The following EHMT1 variants were observed in gnomAD, a reference collection of about 807,000 sequenced individuals.
EHMT1 encodes histone-lysine N-methyltransferase EHMT1.
In EHMT1, 15 loss-of-function variants were observed where a neutral mutation model predicts 147.2. The observed-to-expected ratio is 0.10, with a 90% CI of 0.07 to 0.16. EHMT1 has a LOEUF of 0.16. EHMT1 is among the 10% of genes least tolerant of loss of function. The pLI is 1.00. For missense variants in EHMT1, 1,587 were observed against 1,772.4 expected (o/e 0.90, Z 1.88); for synonymous variants, 795 against 709.6 (o/e 1.12, Z -1.91).
At chr9:137,812,312 C>T (rs1954558348) in intron 19 of EHMT1, among the ~76,000 whole-genome samples, 1 of 152,228 alleles carries the variant, frequency 6.6e-6, no homozygotes, top group Non-Finnish European at 1.5e-5. Context: ...ACACTCCAAC[C>T]TGGGCGACAG....
At chr9:137,705,895 G>T (rs1944228253) in intron 1 of EHMT1, among the ~76,000 whole-genome samples, 2 of 152,226 alleles carry the variant, frequency 1.3e-5, no homozygotes, top group South Asian at 2.1e-4. Context: ...TCTCCCCACA[G>T]CTCTGGGGCT....
intron 3 of EHMT1, among the ~76,000 whole-genome samples, chr9:137,722,130 CTG>C (rs1179340592): frequency 6.6e-6 from 1 of 152,106 alleles, no homozygotes; most frequent in Non-Finnish European, 1.5e-5. Context: ...ACGTTAGAAA[CTG>C]TACATCATTC....
chr9:137,800,403 T>G, intron 17 of EHMT1: 1 of 201,740 alleles, frequency 5.0e-6, no homozygotes, highest in Non-Finnish European at 1.0e-5. Context: ...TCTGATGGGG[T>G]CCCTGGCTCT....
At chr9:137,678,615 C>T (rs951584588) in intron 1 of EHMT1, among the ~76,000 whole-genome samples, 1 of 152,042 alleles carries the variant, frequency 6.6e-6, no homozygotes, top group Non-Finnish European at 1.5e-5. Flanking sequence ...ACAGATAGTA[C>T]TGAACTCTCT....
At chr9:137,698,900 G>A (rs1456382648) in intron 1 of EHMT1, among the ~76,000 whole-genome samples, 1 of 151,898 alleles carries the variant, frequency 6.6e-6, no homozygotes, top group Non-Finnish European at 1.5e-5. Context: ...CAGTGTCTCA[G>A]TTTCTATGAT....
Position 137,799,479 on chromosome 9 carries a change from CAG to C in EHMT1, c.2607+566_2607+567del, listed in dbSNP as rs142898507. Reference sequence around the variant, plus strand: ...GTGCTGAACCGCGGCGCCTCACACACAGGGGCCACCTGCCTCACGAGTGAATG... The same window carrying C: ...GTGCTGAACCGCGGCGCCTCACACACGGGCCACCTGCCTCACGAGTGAATG... On this transcript the variant is annotated intron_variant, in intron 17 of 26. Transcript: ENST00000460843. 2.2e-4 allele frequency among the ~76,000 whole-genome samples: 34 copies of C among 152,350 alleles called. No individual in the cohort carries two copies. In the East Asian group the frequency reaches 4.8e-3, roughly 22 times the overall value.
chr9:137,645,632 A>T (rs371407851), intron 1 of EHMT1, among the ~76,000 whole-genome samples: 2 of 152,152 alleles, frequency 1.3e-5, no homozygotes, highest in East Asian at 3.8e-4. Context: ...CTGTGTTTCC[A>T]TCTCTGCTGC....
At chr9:137,791,975 C>T (rs1377257583) in intron 16 of EHMT1, 11 of 408,882 alleles carry the variant, frequency 2.7e-5, no homozygotes, top group African/African-American at 8.4e-5. Flanking sequence ...TCAGGTGATC[C>T]GCCCGCCTCA....
chr9:137,721,585 C>T (rs1054067207), intron 3 of EHMT1, among the ~76,000 whole-genome samples: 1 of 144,460 alleles, frequency 6.9e-6, no homozygotes, highest in Non-Finnish European at 1.5e-5. Context: ...CCCTCTCCCA[C>T]GCCTCTCACC....
chr9:137,752,506 G>A, intron 7 of EHMT1, 98 bp downstream of exon 7: 1 of 1,399,642 alleles, frequency 7.1e-7, no homozygotes. Flanking sequence ...CTTGTTGCCT[G>A]AGCGCTCACC....
At chr9:137,675,941 G>A (rs1181083968) in intron 1 of EHMT1, among the ~76,000 whole-genome samples, 2 of 150,674 alleles carry the variant, frequency 1.3e-5, no homozygotes, top group Non-Finnish European at 3.0e-5. Flanking sequence ...CCGCCACTAC[G>A]CCCGGCTAAT....
chr9:137,792,429 G>A (rs555993993), intron 16 of EHMT1, among the ~76,000 whole-genome samples: 4 of 152,336 alleles, frequency 2.6e-5, no homozygotes, highest in African/African-American at 9.6e-5. Flanking sequence ...ATACAGCTGG[G>A]CGTGGTGGCT....
At chr9:137,715,812 C>T (rs1169237159) in intron 2 of EHMT1, 2 of 985,266 alleles carry the variant, frequency 2.0e-6, no homozygotes, top group East Asian at 1.1e-4. Flanking sequence ...TGTGAAGCCT[C>T]TTCTGAAGCC....
At chr9:137,655,534 A>T (rs1183225887) in intron 1 of EHMT1, among the ~76,000 whole-genome samples, 1 of 152,228 alleles carries the variant, frequency 6.6e-6, no homozygotes, top group Non-Finnish European at 1.5e-5. Flanking sequence ...CACAATAATT[A>T]CCATTTACAT....
intron 4 of EHMT1, among the ~76,000 whole-genome samples, chr9:137,741,233 C>T (rs765329394): frequency 5.3e-5 from 8 of 152,056 alleles, no homozygotes; most frequent in East Asian, 1.9e-4. Flanking sequence ...GCCTCGGCCT[C>T]GCAAAGTGCT....
At chr9:137,626,999 C>CT (rs1233731346) in intron 1 of EHMT1, among the ~76,000 whole-genome samples, 1 of 152,062 alleles carries the variant, frequency 6.6e-6, no homozygotes, top group African/African-American at 2.4e-5. Flanking sequence ...GCTTTGTTGC[C>CT]TAGGCTGGAG....
chr9:137,675,404 TAGG>T (rs147513610), intron 1 of EHMT1, among the ~76,000 whole-genome samples: 22,435 of 152,162 alleles, frequency 0.15, 2,133 homozygotes, highest in Admixed American at 0.3. Context: ...TGGTGACCAA[TAGG>T]GGGGTTGGTG....
intron 1 of EHMT1, among the ~76,000 whole-genome samples, chr9:137,624,862 G>A (rs1373057195): frequency 2.0e-5 from 3 of 151,782 alleles, no homozygotes; most frequent in East Asian, 3.9e-4. Flanking sequence ...ATGATCCACC[G>A]AGCCTGGCCC....
At chr9:137,814,187 C>T (rs745535324) in intron 21 of EHMT1, 22 of 602,876 alleles carry the variant, frequency 3.6e-5, no homozygotes, top group East Asian at 3.4e-4. Flanking sequence ...CCCACTGCCG[C>T]GTCGCTGCCC....
Sources: allele counts gnomAD v4.1 joint callset (sites outside exome capture counted in the v4.1 genomes callset), GRCh38; gene constraint gnomAD v4.1.1; transcripts MANE v1.5; gene names NCBI Gene and HGNC (gene_info 2026-07-23, HGNC 2026-07-21).